Variants in RBFOX1 observed in about 807,000 individuals in gnomAD.
The protein encoded by RBFOX1 is RNA binding fox-1 homolog 1.
In RBFOX1, 8 loss-of-function variants were observed where a neutral mutation model predicts 57.7. That is an observed-to-expected ratio of 0.14 (90% CI 0.08 to 0.25). The LOEUF (loss-of-function observed/expected upper bound fraction) is 0.25, where lower values mean the gene tolerates loss of function less well. RBFOX1 is among the 10% of genes least tolerant of loss of function. The pLI is 1.00. For missense variants in RBFOX1, 611 were observed against 548.5 expected, an observed-to-expected ratio of 1.11 and a Z score of -1.14; for synonymous variants, 326 against 222.4, an observed-to-expected ratio of 1.47 and a Z score of -4.15.
chr16:7,201,358 C>T (rs1174053715), intron 4 of RBFOX1, among the ~76,000 whole-genome samples: 2 of 152,022 alleles, frequency 1.3e-5, no homozygotes, highest in South Asian at 4.1e-4. Context: ...CCTGTGTCTC[C>T]TATTGTGGGC....
Position 5,288,411 on chromosome 16 carries a change from A to C in RBFOX1, c.219+48306A>C, listed in dbSNP as rs182634077. On this transcript the variant is annotated intron_variant, in intron 1 of 2. Transcript: ENST00000585867. ...ATAATAACATTAGCCAACATTCTAA[A>C]TAAATGCAGGAAATTAAATAGTCTT... Among the ~76,000 whole-genome samples, 4 of 152,326 alleles carry C rather than the reference A, an allele frequency of 2.6e-5. No individual in the cohort carries two copies. The East Asian group carries it at 5.8e-4, about 22-fold the overall frequency.
At chr16:6,333,409 T>A (rs2083275582) in intron 2 of RBFOX1, among the ~76,000 whole-genome samples, 1 of 152,216 alleles carries the variant, frequency 6.6e-6, no homozygotes, top group African/African-American at 2.4e-5. Context: ...TTGGATCTGA[T>A]AGTTCTGTTG....
At chr16:5,711,870 C>A (rs889258584) in intron 3 of RBFOX1, among the ~76,000 whole-genome samples, 10 of 152,176 alleles carry the variant, frequency 6.6e-5, no homozygotes, top group African/African-American at 1.9e-4. Context: ...GTAACAGCCT[C>A]TATTTATTGA....
At chr16:6,291,957 G>GTGTA (rs2077512809) in intron 1 of RBFOX1, among the ~76,000 whole-genome samples, 2 of 152,070 alleles carry the variant, frequency 1.3e-5, no homozygotes, top group South Asian at 4.2e-4. Flanking sequence ...GAATGTGTGT[G>GTGTA]TGTGTGTGTG....
intron 4 of RBFOX1, among the ~76,000 whole-genome samples, chr16:7,192,980 G>A (rs933048948): frequency 6.6e-6 from 1 of 152,174 alleles, no homozygotes; most frequent in Non-Finnish European, 1.5e-5. Flanking sequence ...ACATCTTTGG[G>A]TTGGACAAGG....
chr16:5,535,149 C>G (rs190880823), intron 2 of RBFOX1, among the ~76,000 whole-genome samples: 288 of 152,304 alleles, frequency 1.9e-3, no homozygotes, highest in African/African-American at 6.5e-3. Context: ...AAAAAATTAA[C>G]TAAAATTAAC....
At chr16:7,704,940 G>C (rs944202908) in intron 14 of RBFOX1, among the ~76,000 whole-genome samples, 1 of 151,942 alleles carries the variant, frequency 6.6e-6, no homozygotes, top group Non-Finnish European at 1.5e-5. Context: ...CCAGCAACTG[G>C]GGAGGCTGAG....
intron 3 of RBFOX1, among the ~76,000 whole-genome samples, chr16:6,674,179 A>G (rs1371658092): frequency 6.6e-6 from 1 of 152,196 alleles, no homozygotes; most frequent in African/African-American, 2.4e-5. Context: ...GATATGTTGA[A>G]GTCCTAGCTT....
Position 6,214,595 on chromosome 16 carries a change from G to C in RBFOX1, c.-126-102400G>C, listed in dbSNP as rs116945139. ...GGAGAGGCAAAGTGGGAGAAGGAGG[G>C]AGAAGGTGAGAGGGAGAAGGAGAGG... On this transcript the variant is annotated intron_variant, in intron 1 of 15. Coordinates refer to ENST00000550418, the MANE Select transcript of RBFOX1 (RefSeq NM_018723.4). 1.7e-3 allele frequency among the ~76,000 whole-genome samples: 209 copies of C among 126,186 alleles called. 4 individuals are homozygous for C. In the East Asian group the frequency reaches 0.047, roughly 28 times the overall value. The allele number at this position is 126,186 out of a possible 152,430, so 82.8% of individuals were successfully genotyped here. A position where few individuals can be genotyped will look rare whatever the true frequency, so the allele number is the denominator to read the frequency against.
intron 3 of RBFOX1, among the ~76,000 whole-genome samples, chr16:5,770,508 G>A (rs565848876): frequency 5.5e-4 from 84 of 152,274 alleles, no homozygotes; most frequent in Non-Finnish European, 9.1e-4. Flanking sequence ...TATAATTAAG[G>A]AGTTGTTATA....
intron 3 of RBFOX1, among the ~76,000 whole-genome samples, chr16:5,769,860 C>G (rs1294913932): frequency 2.0e-5 from 3 of 152,100 alleles, no homozygotes; most frequent in East Asian, 3.9e-4. Context: ...GTTTGAGCCA[C>G]CCAATTTGTG....
chr16:7,045,548 G>T (rs372415557), intron 3 of RBFOX1, among the ~76,000 whole-genome samples: 1 of 152,186 alleles, frequency 6.6e-6, no homozygotes, highest in Non-Finnish European at 1.5e-5. Context: ...TCAGAGGTCA[G>T]TAGGCCCCCT....
At chr16:5,550,261 C>G (rs548402102) in intron 2 of RBFOX1, among the ~76,000 whole-genome samples, 2 of 152,250 alleles carry the variant, frequency 1.3e-5, no homozygotes, top group South Asian at 4.1e-4. Flanking sequence ...CAAGAGCACC[C>G]AATCGTGGCA....
intron 1 of RBFOX1, among the ~76,000 whole-genome samples, chr16:5,277,888 C>G (rs2063180616): frequency 6.6e-6 from 1 of 152,102 alleles, no homozygotes; most frequent in Non-Finnish European, 1.5e-5. Context: ...TTTTCTTTAT[C>G]CATTCATCCG....
chr16:7,508,064 G>A (rs1226985449), intron 4 of RBFOX1, among the ~76,000 whole-genome samples: 2 of 151,776 alleles, frequency 1.3e-5, no homozygotes, highest in East Asian at 1.9e-4. Flanking sequence ...TTGGATCACT[G>A]CACACTCCAC....
intron 3 of RBFOX1, among the ~76,000 whole-genome samples, chr16:6,793,828 T>G (rs565706206): frequency 8.1e-4 from 124 of 152,176 alleles, no homozygotes; most frequent in African/African-American, 2.9e-3. Context: ...TAGTAGAAGG[T>G]GATGTATTAA....
At chr16:6,583,754 C>A (rs1385811962) in intron 2 of RBFOX1, among the ~76,000 whole-genome samples, 1 of 152,204 alleles carries the variant, frequency 6.6e-6, no homozygotes, top group Non-Finnish European at 1.5e-5. Flanking sequence ...CAGCAGCCTG[C>A]TGCAGCCTAA....
At chr16:5,255,690 A>G (rs1021664752) in intron 1 of RBFOX1, among the ~76,000 whole-genome samples, 2 of 151,580 alleles carry the variant, frequency 1.3e-5, no homozygotes, top group African/African-American at 4.8e-5. Flanking sequence ...CCATCTATCC[A>G]TCCACCCACC....
At chr16:7,341,776 C>CCCTCCTTCCCTCCCTCCTTCCT (rs1555741398) in intron 4 of RBFOX1, among the ~76,000 whole-genome samples, 1 of 95,120 alleles carries the variant, frequency 1.1e-5, no homozygotes, top group African/African-American at 4.0e-5. Context: ...CCCTCCCTCC[C>CCCTCCTTCCCTCCCTCCTTCCT]TCCTTCCTTC....
Sources: gnomAD v4.1 joint callset for allele counts (sites outside exome capture counted in the v4.1 genomes callset) on GRCh38, gnomAD v4.1.1 for gene constraint, MANE v1.5 for transcripts, NCBI Gene and HGNC (gene_info 2026-07-23, HGNC 2026-07-21) for gene names.